The following SLC7A2 variants were observed in gnomAD, a reference collection of about 807,000 sequenced individuals.
SLC7A2 encodes the protein cationic amino acid transporter 2.
In SLC7A2, 48 loss-of-function variants were observed where a neutral mutation model predicts 58.9. The observed-to-expected ratio is 0.82, with a 90% CI of 0.65 to 1.04. SLC7A2 has a LOEUF of 1.04. Among genes scored for constraint, SLC7A2 ranks in the 50% least tolerant of loss-of-function variants. The pLI is 0.00. For synonymous variants in SLC7A2, 363 were observed against 314.5 expected (o/e 1.15, Z -1.63); for missense variants, 1,029 against 818.8 (o/e 1.26, Z -3.13).
At chr8:17,563,774 C>T in intron 12 of SLC7A2, 63 bp downstream of exon 12, 1 of 908,866 alleles carries the variant, frequency 1.1e-6, no homozygotes, top group Non-Finnish European at 1.8e-6. Flanking sequence ...GAAACATGCC[C>T]TCTCCCCCAT....
chr8:17,538,785 CAGAA>C lies in SLC7A2; in HGVS notation c.-22-4529_-22-4526del, dbSNP rs1563459814. 4 of 1,612,158 alleles carry C rather than the reference CAGAA, an allele frequency of 2.5e-6. No individual in the cohort carries two copies. In the South Asian group the frequency reaches 4.4e-5, roughly 18 times the overall value. The stretch of plus-strand genomic sequence containing the variant: ...ACTTTTTTTTCCATCAGTCCCAAAA[CAGAA>C]AGAGCAGATGTCTCACCACGAAACT... On this transcript the variant is annotated intron_variant, in intron 2 of 12. Transcript: ENST00000494857.
At chr8:17,521,098 G>A (rs1800996351) in intron 2 of SLC7A2, among the ~76,000 whole-genome samples, 1 of 152,062 alleles carries the variant, frequency 6.6e-6, no homozygotes, top group Admixed American at 6.5e-5. Context: ...TATATGTAAG[G>A]TAACTACATT....
intron 2 of SLC7A2, among the ~76,000 whole-genome samples, chr8:17,535,461 A>G (rs1801624790): frequency 6.6e-6 from 1 of 152,220 alleles, no homozygotes; most frequent in Non-Finnish European, 1.5e-5. Flanking sequence ...GCTGTCTCAT[A>G]TTGCAATGGC....
At chr8:17,527,031 C>T (rs913786130) in intron 2 of SLC7A2, among the ~76,000 whole-genome samples, 5 of 151,990 alleles carry the variant, frequency 3.3e-5, no homozygotes, top group African/African-American at 1.2e-4. Flanking sequence ...TGCCATGGTA[C>T]TCTGCCCTTG....
At chr8:17,500,075 G>A (rs1020659384) in intron 1 of SLC7A2, 1 of 152,186 alleles carries the variant, frequency 6.6e-6, no homozygotes. Context: ...AAAGTAATGT[G>A]TAACTCCGGT....
At chr8:17,550,818 T>A (rs1294813056) in intron 6 of SLC7A2, among the ~76,000 whole-genome samples, 1 of 152,200 alleles carries the variant, frequency 6.6e-6, no homozygotes, top group African/African-American at 2.4e-5. Flanking sequence ...ATGGTCTCTT[T>A]GTTAGTGGGA....
intron 2 of SLC7A2, among the ~76,000 whole-genome samples, chr8:17,514,494 G>T (rs1585193584): frequency 6.6e-6 from 1 of 152,096 alleles, no homozygotes; most frequent in Non-Finnish European, 1.5e-5. Context: ...AAAGAGATGG[G>T]GAAATGCACA....
rs1036177373 is a variant in SLC7A2 at position 17,567,099 on chromosome 8, G to C, written c.*1953G>C. Reference sequence around the variant, plus strand: ...ATTCCACAACTTCCAGGGTGCACATGGTAAAATCTGAAGCCCAGAATTTTC... The same window carrying C: ...ATTCCACAACTTCCAGGGTGCACATCGTAAAATCTGAAGCCCAGAATTTTC... On this transcript the variant is annotated 3_prime_UTR_variant, in exon 13 of 13. Coordinates refer to ENST00000494857, the MANE Select transcript of SLC7A2 (RefSeq NM_001370338.1). 2 of 152,590 alleles carry C rather than the reference G, an allele frequency of 1.3e-5. No individual in the cohort carries two copies. The highest frequency in any genetic ancestry group is 4.8e-5 in the African/African-American group (2 of 41,422). The allele number at this position is 152,590 out of a possible 1,614,324, so 9.5% of individuals were successfully genotyped here.
intron 2 of SLC7A2, among the ~76,000 whole-genome samples, chr8:17,539,709 G>A (rs1239829326): frequency 6.6e-6 from 1 of 152,042 alleles, no homozygotes. Flanking sequence ...TTAAATATGA[G>A]TCCTTGGTCA....
rs549251912 is a variant in SLC7A2, at chr8:17,560,390, C to T, written c.1361C>T (p.Ser454Leu). The change falls in exon 10 of 13, where the codon TCG becomes TTG. Residue 454 changes from serine to leucine, a missense_variant. Physicochemically the swap from Ser to Leu is moderately radical, Grantham distance 145. Transcript: ENST00000494857. The part of the protein sequence containing the change: ...KCSPEKDGLG[S>L]SPRVTSKSES... ...TCTCCTGAGAAAGATGGTCTGGGAT[C>T]GTCTCCCAGGGTAACCTCGAAGAGT... The T allele has an allele frequency of 8.1e-6, 13 of 1,614,000 alleles. No individual in the cohort carries two copies. Among genetic ancestry groups the T allele is most frequent in the South Asian group, 5.5e-5 (5 of 91,088 alleles).
chr8:17,513,325 T>G (rs1444966640), intron 2 of SLC7A2, among the ~76,000 whole-genome samples: 1 of 151,836 alleles, frequency 6.6e-6, no homozygotes, highest in Non-Finnish European at 1.5e-5. Context: ...ATTTTCTGGG[T>G]TTTTTTTCTT....
At chr8:17,530,340 A>C (rs1360393233) in intron 2 of SLC7A2, among the ~76,000 whole-genome samples, 1 of 152,184 alleles carries the variant, frequency 6.6e-6, no homozygotes, top group African/African-American at 2.4e-5. Flanking sequence ...AGGTGGGGGC[A>C]GCTGGATACA....
chr8:17,549,259 C>T (rs1191349405), intron 5 of SLC7A2, among the ~76,000 whole-genome samples: 3 of 152,212 alleles, frequency 2.0e-5, no homozygotes. Context: ...CCAAACCATA[C>T]CAGAAGGCAT....
chr8:17,523,667 A>G (rs1585206090), intron 2 of SLC7A2, among the ~76,000 whole-genome samples: 1 of 152,354 alleles, frequency 6.6e-6, no homozygotes, highest in African/African-American at 2.4e-5. Context: ...GTTCTAGAAG[A>G]TAACATTGGG....
chr8:17,565,017 T>A lies in SLC7A2; in HGVS notation c.1848T>A (p.Asn616Lys), dbSNP rs1358659088. 2 of 1,613,720 alleles carry A rather than the reference T, an allele frequency of 1.2e-6. No individual in the cohort carries two copies. ...AGGGTCATCTGAGAGATGAAAACAA[T>A]GAAGAAGATGCTTATCCAGACAACG... ...SLEGHLRDEN[N>K]EEDAYPDNVH... The change falls in exon 13 of 13, where the codon AAT (asparagine) becomes AAA (lysine). Residue 616 changes from asparagine (N) to lysine (K), a missense_variant. Coordinates refer to ENST00000494857, the MANE Select transcript of SLC7A2 (RefSeq NM_001370338.1).
At chr8:17,543,225 C>G (rs1801995504) in intron 2 of SLC7A2, 93 bp from the exon 3 acceptor site, 1 of 1,157,290 alleles carries the variant, frequency 8.6e-7, no homozygotes, top group Non-Finnish European at 1.2e-6. Context: ...CAAACACACA[C>G]ACACACATAC....
At chr8:17,550,080 A>G (rs370407279) in intron 5 of SLC7A2, among the ~76,000 whole-genome samples, 30 of 152,284 alleles carry the variant, frequency 2.0e-4, no homozygotes, top group African/African-American at 5.8e-4. Flanking sequence ...TGTGCTATCA[A>G]TCAGCCTGTA....
chr8:17,506,105 G>A (rs1286931123), intron 2 of SLC7A2, among the ~76,000 whole-genome samples: 1 of 152,170 alleles, frequency 6.6e-6, no homozygotes, highest in African/African-American at 2.4e-5. Context: ...TGCATTTGTG[G>A]CATAGTGGTT....
At chr8:17,500,214 CTG>C (rs1800099013) in intron 1 of SLC7A2, 1 of 152,214 alleles carries the variant, frequency 6.6e-6, no homozygotes, top group Admixed American at 6.5e-5. Flanking sequence ...TCAGACCTGT[CTG>C]TGCCGCAAAG....
Sources: allele counts gnomAD v4.1 joint callset (sites outside exome capture counted in the v4.1 genomes callset), GRCh38; gene constraint gnomAD v4.1.1; transcripts MANE v1.5; gene names NCBI Gene and HGNC (gene_info 2026-07-23, HGNC 2026-07-21).